RBFOX1: variants seen among roughly 807,000 people sequenced by gnomAD.
RBFOX1 encodes the protein RNA binding protein fox-1 homolog 1.
In RBFOX1, 8 loss-of-function variants were observed where a neutral mutation model predicts 57.7. The ratio of observed to expected loss-of-function variants is 0.14; its 90% CI spans 0.08 to 0.25. The LOEUF (loss-of-function observed/expected upper bound fraction) is 0.25, where lower values mean the gene tolerates loss of function less well. Ranked by LOEUF, RBFOX1 falls within the 10% of genes least tolerant of loss-of-function variation. The probability of loss-of-function intolerance (pLI) is 1.00; values close to 1 mark genes in which losing one functional copy is unlikely to be tolerated. For synonymous variants in RBFOX1, 326 were observed against 222.4 expected (o/e 1.47, Z -4.15); for missense variants, 611 against 548.5 (o/e 1.11, Z -1.14).
intron 3 of RBFOX1, among the ~76,000 whole-genome samples, chr16:5,770,296 G>A (rs1331950371): frequency 6.6e-6 from 1 of 152,174 alleles, no homozygotes; most frequent in Non-Finnish European, 1.5e-5. Context: ...GGTGATGAAA[G>A]TGATCTCTAG....
chr16:7,226,528 C>G (rs957817066), intron 4 of RBFOX1, among the ~76,000 whole-genome samples: 4 of 152,188 alleles, frequency 2.6e-5, no homozygotes, highest in African/African-American at 9.7e-5. Flanking sequence ...TTCCTTGGGT[C>G]TGCCGTAACA....
intron 4 of RBFOX1, among the ~76,000 whole-genome samples, chr16:7,506,394 A>C (rs990679896): frequency 3.9e-5 from 6 of 152,104 alleles, no homozygotes; most frequent in Non-Finnish European, 7.4e-5. Context: ...TAGCTTGAAA[A>C]AGAAGATAAA....
chr16:6,565,612 A>C (rs2345083), intron 2 of RBFOX1, among the ~76,000 whole-genome samples: 77,552 of 149,652 alleles, frequency 0.52, 21,407 homozygotes, highest in South Asian at 0.73. Flanking sequence ...GAACTACAGG[A>C]GCCTGCTACC....
chr16:6,633,970 G>A (rs951088756), intron 2 of RBFOX1, among the ~76,000 whole-genome samples: 4 of 152,122 alleles, frequency 2.6e-5, no homozygotes, highest in South Asian at 2.1e-4. Flanking sequence ...AGCGATGACC[G>A]CACTACTGCT....
rs2069227857 is a variant in RBFOX1, at chr16:5,473,912, A to T, written c.258+6658A>T. 2.2e-5 allele frequency among the ~76,000 whole-genome samples: 3 copies of T among 137,440 alleles called. 1 individual carries two copies. The South Asian group carries it at 7.8e-4, about 36-fold the overall frequency. 90.2% of individuals were successfully genotyped at this position (137,440 alleles called of 152,430 possible). A position where few individuals can be genotyped will look rare whatever the true frequency, so the allele number is the denominator to read the frequency against. On this transcript the variant is annotated intron_variant, in intron 2 of 2. Coordinates refer to the RBFOX1 transcript ENST00000585867. ...GGTGGGTAAATGGATGGAATGAAGG[A>T]AGGAAGGGTGGGTGGGTAGGTAGAT...
At chr16:6,042,351 G>T (rs749150335) in intron 1 of RBFOX1, among the ~76,000 whole-genome samples, 1 of 151,906 alleles carries the variant, frequency 6.6e-6, no homozygotes, top group African/African-American at 2.4e-5. Context: ...TGTCCACCTC[G>T]GTCTCCCAAA....
intron 1 of RBFOX1, among the ~76,000 whole-genome samples, chr16:6,140,187 C>CTTTTTTTTTTTTTTTTTT (rs5815288): frequency 7.3e-6 from 1 of 137,294 alleles, no homozygotes; most frequent in Non-Finnish European, 1.6e-5. Flanking sequence ...CTGGAAATGA[C>CTTTTTTTTTTTTTTTTTT]TTTTTTTTTT....
intron 2 of RBFOX1, among the ~76,000 whole-genome samples, chr16:6,376,592 C>T (rs2091205984): frequency 6.6e-6 from 1 of 152,132 alleles, no homozygotes; most frequent in Non-Finnish European, 1.5e-5. Flanking sequence ...CACCTGTCCT[C>T]TATGTGTGTA....
chr16:5,757,196 G>C (rs1023456318), intron 3 of RBFOX1, among the ~76,000 whole-genome samples: 2 of 151,304 alleles, frequency 1.3e-5, no homozygotes, highest in African/African-American at 4.9e-5. Flanking sequence ...CATGAAGAGC[G>C]TGGCGGGGAA....
chr16:7,144,202 C>T (rs905621941), intron 4 of RBFOX1, among the ~76,000 whole-genome samples: 1 of 152,010 alleles, frequency 6.6e-6, no homozygotes, highest in African/African-American at 2.4e-5. Flanking sequence ...CTCCATTTCT[C>T]CTCTTAAAGA....
chr16:7,428,164 G>C (rs2098640594), intron 4 of RBFOX1, among the ~76,000 whole-genome samples: 1 of 151,972 alleles, frequency 6.6e-6, no homozygotes, highest in South Asian at 2.1e-4. Context: ...CACGTTGCAT[G>C]ATAGTGCTTA....
At chr16:5,548,174 A>AAATATATATAT (rs1555462290) in intron 2 of RBFOX1, among the ~76,000 whole-genome samples, 1 of 33,580 alleles carries the variant, frequency 3.0e-5, no homozygotes, top group African/African-American at 8.0e-5. Flanking sequence ...AAAAAAAAAA[A>AAATATATATAT]ATATATATAT....
chr16:7,416,827 C>G (rs1363660280), intron 4 of RBFOX1, among the ~76,000 whole-genome samples: 1 of 151,956 alleles, frequency 6.6e-6, no homozygotes, highest in Non-Finnish European at 1.5e-5. Flanking sequence ...TACTAAATGC[C>G]AAGGTTTGGT....
chr16:5,702,849 C>T (rs1053965065), intron 3 of RBFOX1, among the ~76,000 whole-genome samples: 2 of 152,082 alleles, frequency 1.3e-5, no homozygotes, highest in South Asian at 4.2e-4. Context: ...TAGATAACAC[C>T]CTCTATGCCC....
Position 7,221,091 on chromosome 16 carries a change from T to A in RBFOX1, c.27+168993T>A, listed in dbSNP as rs143173521. Among the ~76,000 whole-genome samples the A allele has an allele frequency of 1.7e-3, 254 of 152,270 alleles. 2 individuals are homozygous for A. Among genetic ancestry groups the A allele is most frequent in the African/African-American group, 5.3e-3 (222 of 41,560 alleles). On this transcript the variant is annotated intron_variant, in intron 4 of 15. Transcript: ENST00000550418. ...TCATTAAAATGAAGCCAGGTTGATGTGACTAAATTTTGATTTGATTTGCTG... is the reference window on the plus strand; with the variant it reads ...TCATTAAAATGAAGCCAGGTTGATGAGACTAAATTTTGATTTGATTTGCTG...
At chr16:7,285,021 GCCTTC>G (rs1226739403) in intron 4 of RBFOX1, among the ~76,000 whole-genome samples, 1 of 141,592 alleles carries the variant, frequency 7.1e-6, no homozygotes, top group East Asian at 2.1e-4. Context: ...CTTCAGAAAA[GCCTTC>G]CCTCACCCTC....
At chr16:6,077,822 C>T (rs146025881) in intron 1 of RBFOX1, among the ~76,000 whole-genome samples, 101 of 151,918 alleles carry the variant, frequency 6.6e-4, no homozygotes, top group African/African-American at 2.2e-3. Context: ...CCTCAAGTGA[C>T]CTCCCACCTC....
At chr16:7,411,399 A>G (rs969074785) in intron 4 of RBFOX1, among the ~76,000 whole-genome samples, 2 of 152,154 alleles carry the variant, frequency 1.3e-5, no homozygotes, top group African/African-American at 4.8e-5. Flanking sequence ...TTCCTTCTCT[A>G]AATTTCACCC....
chr16:7,240,473 AAGG>A (rs749388029), intron 4 of RBFOX1, among the ~76,000 whole-genome samples: 96 of 152,316 alleles, frequency 6.3e-4, no homozygotes, highest in Non-Finnish European at 1.3e-3. Flanking sequence ...GTTAAAGATG[AAGG>A]AGGAGTATGT....
Sources: allele counts gnomAD v4.1 joint callset (sites outside exome capture counted in the v4.1 genomes callset), GRCh38; gene constraint gnomAD v4.1.1; transcripts MANE v1.5; gene names NCBI Gene and HGNC (gene_info 2026-07-23, HGNC 2026-07-21).